Variants in UGT2B15 observed in about 807,000 individuals in gnomAD.
UGT2B15 encodes UDP glucuronosyltransferase family 2 member B15.
In UGT2B15, 36 loss-of-function variants were observed where a neutral mutation model predicts 45.9. That is an observed-to-expected ratio of 0.78 (90% CI 0.60 to 1.04). The LOEUF (loss-of-function observed/expected upper bound fraction) is 1.04. Ranked by LOEUF, UGT2B15 falls within the 50% of genes least tolerant of loss-of-function variation. UGT2B15 has a pLI of 0.00. For missense variants in UGT2B15, 617 were observed against 622.4 expected (o/e 0.99, Z 0.09); for synonymous variants, 219 against 216.4 (o/e 1.01, Z -0.11).
intron 2 of UGT2B15, among the ~76,000 whole-genome samples, chr4:68,667,014 T>A (rs955701660): frequency 6.6e-6 from 1 of 152,106 alleles, no homozygotes; most frequent in African/African-American, 2.4e-5. Flanking sequence ...CCCAAAGTGC[T>A]GGGATTACAG....
chr4:68,652,412 A>G (rs1453172759), intron 5 of UGT2B15, among the ~76,000 whole-genome samples: 1 of 151,402 alleles, frequency 6.6e-6, no homozygotes, highest in African/African-American at 2.4e-5. Flanking sequence ...CTTATTCTAT[A>G]TATATATATA....
intron 2 of UGT2B15, among the ~76,000 whole-genome samples, chr4:68,663,699 C>A (rs536522148): frequency 2.0e-4 from 31 of 152,080 alleles, no homozygotes; most frequent in African/African-American, 7.2e-4. Context: ...AGCTCTCTAA[C>A]CCTTTATATT....
At chr4:68,669,530 T>C (rs1362464080) in intron 1 of UGT2B15, among the ~76,000 whole-genome samples, 1 of 152,154 alleles carries the variant, frequency 6.6e-6, no homozygotes, top group Non-Finnish European at 1.5e-5. Flanking sequence ...TCTAGAAATA[T>C]GTGTAAATAC....
intron 2 of UGT2B15, among the ~76,000 whole-genome samples, chr4:68,665,567 A>G (rs1733095461): frequency 6.6e-6 from 1 of 152,180 alleles, no homozygotes; most frequent in African/African-American, 2.4e-5. Context: ...TATAAAGGCA[A>G]TGCCTATATG....
chr4:68,651,601 G>C (rs1253871769), intron 5 of UGT2B15, among the ~76,000 whole-genome samples: 1 of 151,818 alleles, frequency 6.6e-6, no homozygotes, highest in Admixed American at 6.6e-5. Context: ...TGGCTAGCCA[G>C]TTTTTCCAAA....
chr4:68,652,759 T>G (rs1416816833), intron 5 of UGT2B15, among the ~76,000 whole-genome samples: 2 of 151,736 alleles, frequency 1.3e-5, no homozygotes. Context: ...AGAAAATATT[T>G]GAAAATCACA....
chr4:68,666,966 C>G (rs1485090357), intron 2 of UGT2B15, among the ~76,000 whole-genome samples: 2 of 151,662 alleles, frequency 1.3e-5, no homozygotes, highest in Non-Finnish European at 2.9e-5. Context: ...ACTCTGGTCT[C>G]CAACTCCTGA....
chr4:68,653,926 A>G, intron 5 of UGT2B15, 111 bp downstream of exon 5: 1 of 1,370,962 alleles, frequency 7.3e-7, no homozygotes, highest in Non-Finnish European at 1.0e-6. Context: ...ACATTGGTTA[A>G]ATCACTTCAA....
chr4:68,657,946 C>A (rs1020381246), intron 3 of UGT2B15, among the ~76,000 whole-genome samples: 14 of 152,072 alleles, frequency 9.2e-5, no homozygotes, highest in Admixed American at 4.6e-4. Flanking sequence ...GCAATTGAAT[C>A]CATTTTATTT....
At chr4:68,662,327 T>C (rs1732990500) in intron 3 of UGT2B15, among the ~76,000 whole-genome samples, 1 of 151,666 alleles carries the variant, frequency 6.6e-6, no homozygotes, top group Admixed American at 6.6e-5. Context: ...TCTATCTCCA[T>C]CCTTTCCATT....
chr4:68,655,410 A>T (rs1732775587), intron 3 of UGT2B15, among the ~76,000 whole-genome samples: 2 of 152,124 alleles, frequency 1.3e-5, no homozygotes, highest in South Asian at 4.1e-4. Context: ...AAATAATGAC[A>T]TTTCTAACAT....
At chr4:68,648,912 GATT>G (rs1732567060) in intron 5 of UGT2B15, among the ~76,000 whole-genome samples, 1 of 151,954 alleles carries the variant, frequency 6.6e-6, no homozygotes, top group South Asian at 2.1e-4. Flanking sequence ...TTCATTTTGT[GATT>G]AATGGATATT....
intron 1 of UGT2B15, among the ~76,000 whole-genome samples, chr4:68,668,472 T>A (rs2109836903): frequency 6.6e-6 from 1 of 152,076 alleles, no homozygotes; most frequent in South Asian, 2.1e-4. Context: ...CAATCATAAA[T>A]AATTATTAAA....
Position 68,647,086 on chromosome 4 carries a change from T to A in UGT2B15, c.*18A>T. ...GAGTCCCATCTTTCAGTCATTCCAC[T>A]TCAGGCTTTTGATATAACTAATCTC... is the stretch of plus-strand genomic sequence containing the variant. On this transcript the variant is annotated 3_prime_UTR_variant, in exon 6 of 6. Transcript: ENST00000338206. 6.2e-7 allele frequency: 1 copy of A among 1,603,098 alleles called. No homozygotes were observed. The highest frequency in any genetic ancestry group is 8.5e-7 in the Non-Finnish European group (1 of 1,173,294).
chr4:68,662,255 T>C (rs1279362586), intron 3 of UGT2B15, among the ~76,000 whole-genome samples: 2 of 152,102 alleles, frequency 1.3e-5, no homozygotes, highest in African/African-American at 4.8e-5. Context: ...ATCTGATTCT[T>C]AGAGCATAGT....
intron 2 of UGT2B15, among the ~76,000 whole-genome samples, chr4:68,666,992 C>G (rs1263823318): frequency 6.6e-6 from 1 of 151,906 alleles, no homozygotes; most frequent in Non-Finnish European, 1.5e-5. Context: ...GGTGATCCAC[C>G]TGCCTTGGCC....
rs1733280310 is a variant in UGT2B15 at position 68,670,507 on chromosome 4, T to A, written c.112A>T (p.Asn38Tyr). The A allele has an allele frequency of 2.5e-6, 4 of 1,614,012 alleles. No individual in the cohort carries two copies. In the African/African-American group the frequency reaches 5.3e-5, roughly 22 times the overall value. ...VWPTEYSHWI[N>Y]MKTILEELVQ... ...AGCTCTTCCAGGATTGTCTTCATAT[T>A]TATCCAATGGCTGTATTCTGTGGGC... Residue 38 changes from asparagine to tyrosine, a missense_variant, in exon 1 of 6, where the codon AAT (asparagine) becomes TAT (tyrosine). Asn to Tyr is a moderately radical substitution (Grantham distance 143). Coordinates refer to ENST00000338206, the MANE Select transcript of UGT2B15 (RefSeq NM_001076.4).
chr4:68,653,853 A>G (rs973371378), intron 5 of UGT2B15, among the ~76,000 whole-genome samples, 184 bp downstream of exon 5: 4 of 151,964 alleles, frequency 2.6e-5, no homozygotes, highest in African/African-American at 9.7e-5. Context: ...TGACCCATTA[A>G]ATCTGTGGGG....
chr4:68,665,891 A>T (rs559510028), intron 2 of UGT2B15, among the ~76,000 whole-genome samples: 11 of 152,186 alleles, frequency 7.2e-5, no homozygotes, highest in Admixed American at 6.5e-4. Context: ...TACTAAAAAC[A>T]CAAAGATTAG....
Sources: gnomAD v4.1 joint callset for allele counts (sites outside exome capture counted in the v4.1 genomes callset) on GRCh38, gnomAD v4.1.1 for gene constraint, MANE v1.5 for transcripts, NCBI Gene and HGNC (gene_info 2026-07-23, HGNC 2026-07-21) for gene names.